AGBL4: variants seen among roughly 807,000 people sequenced by gnomAD.
The protein encoded by AGBL4 is AGBL carboxypeptidase 4.
AGBL4 carries 58 observed loss-of-function variants against 66.4 expected under a neutral mutation model. The ratio of observed to expected loss-of-function variants is 0.87; its 90% CI spans 0.71 to 1.09. The LOEUF (loss-of-function observed/expected upper bound fraction) is 1.09. Among genes scored for constraint, AGBL4 ranks in the 50% least tolerant of loss-of-function variants. The probability of loss-of-function intolerance (pLI) is 0.00; values close to 1 mark genes in which losing one functional copy is unlikely to be tolerated. For missense variants in AGBL4, 579 were observed against 631.0 expected, an observed-to-expected ratio of 0.92 and a Z score of 0.88; for synonymous variants, 234 against 222.9, an observed-to-expected ratio of 1.05 and a Z score of -0.44.
chr1:49,204,586 T>C (rs1329571479), intron 4 of AGBL4, among the ~76,000 whole-genome samples: 1 of 152,168 alleles, frequency 6.6e-6, no homozygotes, highest in East Asian at 1.9e-4. Context: ...AGTCCCAAGA[T>C]AAGGGAAATG....
chr1:49,943,725 A>G (rs1328386679), intron 1 of AGBL4, among the ~76,000 whole-genome samples: 5 of 151,822 alleles, frequency 3.3e-5, no homozygotes, highest in African/African-American at 1.2e-4. Context: ...CACAGGGAAA[A>G]AAAAAAAAAA....
chr1:49,052,782 G>A lies in AGBL4; in HGVS notation c.378-6982C>T, dbSNP rs376857855. 2.6e-5 allele frequency among the ~76,000 whole-genome samples: 4 copies of A among 152,136 alleles called. No individual in the cohort carries two copies. The East Asian group carries it at 5.8e-4, about 22-fold the overall frequency. The stretch of plus-strand genomic sequence containing the variant: ...CCTTGCATAAAACCTAGCATATAGA[G>A]GCAATTGATAAATATTTTGAATGAA... On this transcript the variant is annotated intron_variant, in intron 4 of 13. Coordinates refer to ENST00000371839, the MANE Select transcript of AGBL4 (RefSeq NM_032785.4).
At chr1:48,706,971 G>C (rs1320555097) in intron 6 of AGBL4, among the ~76,000 whole-genome samples, 1 of 152,190 alleles carries the variant, frequency 6.6e-6, no homozygotes, top group Non-Finnish European at 1.5e-5. Context: ...TCATCTCCCA[G>C]GCTCTCCTTC....
chr1:49,934,063 A>C (rs1373671968), intron 1 of AGBL4, among the ~76,000 whole-genome samples: 1 of 152,170 alleles, frequency 6.6e-6, no homozygotes, highest in Non-Finnish European at 1.5e-5. Context: ...TGAAGGCATA[A>C]ATAAAAACAA....
At chr1:48,831,315 C>T (rs1385947594) in intron 6 of AGBL4, among the ~76,000 whole-genome samples, 1 of 152,186 alleles carries the variant, frequency 6.6e-6, no homozygotes, top group Non-Finnish European at 1.5e-5. Context: ...GGCGCTCCTC[C>T]CTCCTACTGG....
chr1:49,019,668 G>A (rs766717657), intron 5 of AGBL4, among the ~76,000 whole-genome samples: 11 of 152,188 alleles, frequency 7.2e-5, no homozygotes, highest in Non-Finnish European at 1.3e-4. Flanking sequence ...TTGCATTTGT[G>A]TAGCTGTTTA....
chr1:49,217,550 G>A (rs1359196724), intron 4 of AGBL4, among the ~76,000 whole-genome samples: 1 of 152,070 alleles, frequency 6.6e-6, no homozygotes, highest in Non-Finnish European at 1.5e-5. Flanking sequence ...ATAGCACTGA[G>A]CACATTATAT....
chr1:48,547,909 G>T (rs969584603), intron 11 of AGBL4, among the ~76,000 whole-genome samples: 1 of 152,134 alleles, frequency 6.6e-6, no homozygotes, highest in African/African-American at 2.4e-5. Context: ...TAACTTCTCT[G>T]TGGGTAAATG....
intron 2 of AGBL4, among the ~76,000 whole-genome samples, chr1:49,726,148 G>C (rs1649016029): frequency 6.6e-6 from 1 of 152,112 alleles, no homozygotes; most frequent in Non-Finnish European, 1.5e-5. Flanking sequence ...TTAAAGGGTA[G>C]TAGAAGTTTA....
chr1:49,184,569 GC>G (rs1646982506), intron 4 of AGBL4, among the ~76,000 whole-genome samples: 1 of 152,132 alleles, frequency 6.6e-6, no homozygotes. Flanking sequence ...TATACAGGTT[GC>G]CAGGAACCCC....
chr1:49,539,264 A>G (rs1651829421), intron 3 of AGBL4, among the ~76,000 whole-genome samples: 1 of 152,196 alleles, frequency 6.6e-6, no homozygotes, highest in Non-Finnish European at 1.5e-5. Flanking sequence ...ATGTAAGTGG[A>G]TGAATTAAGG....
At chr1:49,964,167 G>A (rs935130395) in intron 1 of AGBL4, among the ~76,000 whole-genome samples, 5 of 152,082 alleles carry the variant, frequency 3.3e-5, no homozygotes, top group Non-Finnish European at 7.4e-5. Context: ...CCTCCATTGA[G>A]AATCTATCCT....
At chr1:49,074,895 G>T (rs919575233) in intron 4 of AGBL4, among the ~76,000 whole-genome samples, 6 of 152,102 alleles carry the variant, frequency 3.9e-5, no homozygotes, top group African/African-American at 1.4e-4. Context: ...TCCACATCTT[G>T]CCCTCAGCTA....
At chr1:49,948,065 A>ATATAAATATATAAAT (rs1655533387) in intron 1 of AGBL4, among the ~76,000 whole-genome samples, 1 of 64,270 alleles carries the variant, frequency 1.6e-5, no homozygotes, top group Non-Finnish European at 2.6e-5. Flanking sequence ...TATATATGTA[A>ATATAAATATATAAAT]ATATATGTAA....
At chr1:49,947,765 T>A (rs1410889274) in intron 1 of AGBL4, among the ~76,000 whole-genome samples, 1 of 149,810 alleles carries the variant, frequency 6.7e-6, no homozygotes, top group Non-Finnish European at 1.5e-5. Context: ...CACTATTTAC[T>A]GATTATATGA....
chr1:49,943,948 G>T (rs1654991348), intron 1 of AGBL4, among the ~76,000 whole-genome samples: 1 of 151,972 alleles, frequency 6.6e-6, no homozygotes, highest in Non-Finnish European at 1.5e-5. Flanking sequence ...GTGGGAGAGG[G>T]CATTGTGGGA....
intron 6 of AGBL4, 34 bp downstream of exon 6, chr1:48,867,157 G>A: frequency 6.2e-7 from 1 of 1,610,080 alleles, no homozygotes. Flanking sequence ...AGAAATAAGG[G>A]AAAAGCAAAG....
intron 4 of AGBL4, among the ~76,000 whole-genome samples, chr1:49,075,642 T>C (rs1225957250): frequency 3.3e-5 from 5 of 152,202 alleles, no homozygotes; most frequent in Non-Finnish European, 7.3e-5. Flanking sequence ...GGCATCAAGA[T>C]AGTGCAGGCC....
At chr1:50,020,454 C>A (rs1405889094) in intron 1 of AGBL4, among the ~76,000 whole-genome samples, 1 of 152,066 alleles carries the variant, frequency 6.6e-6, no homozygotes, top group Non-Finnish European at 1.5e-5. Flanking sequence ...AGTCCAAGGT[C>A]CACATATAAT....
Sources: gnomAD v4.1 joint callset for allele counts (sites outside exome capture counted in the v4.1 genomes callset) on GRCh38, gnomAD v4.1.1 for gene constraint, MANE v1.5 for transcripts, NCBI Gene and HGNC (gene_info 2026-07-23, HGNC 2026-07-21) for gene names.